Variants in SRPRB observed in about 807,000 individuals in gnomAD.
The protein encoded by SRPRB is signal recognition particle receptor subunit beta.
SRPRB carries 20 observed loss-of-function variants against 31.9 expected under a neutral mutation model. The ratio of observed to expected loss-of-function variants is 0.63; its 90% CI spans 0.44 to 0.91. SRPRB has a LOEUF of 0.91. Ranked by LOEUF, SRPRB falls within the 40% of genes least tolerant of loss-of-function variation. The pLI is 0.00. For missense variants in SRPRB, 321 were observed against 324.9 expected, an observed-to-expected ratio of 0.99 and a Z score of 0.09; for synonymous variants, 146 against 132.8, an observed-to-expected ratio of 1.10 and a Z score of -0.68.
downstream of SRPRB, chr3:133,827,661 C>G (rs1935587420): frequency 1.3e-5 from 7 of 553,642 alleles, no homozygotes; most frequent in South Asian, 1.4e-4. Context: ...AGCAACAAAT[C>G]AGCTTTTCCA....
Position 133,811,149 on chromosome 3 carries a change from C to A in SRPRB, c.360C>A (p.Gly120=), listed in dbSNP as rs1271546644. The change falls in exon 4 of 7, where the codon GGC becomes GGA. Residue 120 remains glycine, a synonymous_variant. Coordinates refer to ENST00000678299, the MANE Select transcript of SRPRB (RefSeq NM_001379313.1). The stretch of plus-strand genomic sequence containing the variant: ...GTCTGACCTTGATTGACCTTCCCGG[C>A]CATGAGAGTTTGAGGCTTCAGTTCT... ...GNSLTLIDLP[G]HESLRLQFLE... The A allele has an allele frequency of 2.5e-6, 4 of 1,614,184 alleles. No homozygotes were observed. The Admixed American group carries it at 6.7e-5, about 27-fold the overall frequency.
downstream of SRPRB, chr3:133,827,948 T>C (rs753334867): frequency 5.7e-6 from 4 of 702,952 alleles, no homozygotes; most frequent in South Asian, 5.9e-5. Flanking sequence ...CCCCAGTCTA[T>C]AAACCACGCA....
chr3:133,822,360 G>A (rs1280088804), downstream of SRPRB, among the ~76,000 whole-genome samples: 1 of 152,168 alleles, frequency 6.6e-6, no homozygotes. Context: ...CAGGCACTCT[G>A]TTGGTGAATA....
At chr3:133,811,341 T>C in intron 4 of SRPRB, 142 bp downstream of exon 4, 2 of 669,756 alleles carry the variant, frequency 3.0e-6, no homozygotes, top group Non-Finnish European at 4.9e-6. Flanking sequence ...GTCAGCCAGT[T>C]CTGGGTTGCA....
intron 1 of SRPRB, chr3:133,786,936 T>G (rs1402133640): frequency 6.6e-6 from 1 of 152,260 alleles, no homozygotes; most frequent in African/African-American, 2.4e-5. Context: ...CTAAAATTCT[T>G]GGGAAGTACT....
At chr3:133,827,648 CAT>C (rs1271141131), downstream of SRPRB, 11 of 539,904 alleles carry the variant, frequency 2.0e-5, no homozygotes, top group African/African-American at 1.3e-4. Context: ...GGGGTGAAAA[CAT>C]AGCAACAAAT....
chr3:133,803,931 C>T (rs1019793337), upstream of SRPRB, among the ~76,000 whole-genome samples: 6 of 150,888 alleles, frequency 4.0e-5, no homozygotes, highest in African/African-American at 1.5e-4. Context: ...CCCGTCTCTA[C>T]TAAAAATACA....
intron 1 of SRPRB, chr3:133,789,121 C>A (rs1934764488): frequency 6.6e-6 from 1 of 152,314 alleles, no homozygotes; most frequent in African/African-American, 2.4e-5. Flanking sequence ...CCCAGGGGAT[C>A]CTCCAGACTT....
intron 1 of SRPRB, among the ~76,000 whole-genome samples, chr3:133,806,259 AC>A (rs984497856): frequency 6.6e-6 from 1 of 152,088 alleles, no homozygotes; most frequent in African/African-American, 2.4e-5. Context: ...CTGCCCTGTT[AC>A]GCTTGAGCGC....
chr3:133,816,796 G>A, intron 5 of SRPRB, 82 bp from the exon 6 acceptor site: 1 of 1,088,900 alleles, frequency 9.2e-7, no homozygotes, highest in Non-Finnish European at 1.3e-6. Flanking sequence ...GGTTTAAATA[G>A]GAATTTTCCT....
chr3:133,792,342 A>C (rs1934861693), intron 1 of SRPRB: 2 of 152,276 alleles, frequency 1.3e-5, no homozygotes, highest in Admixed American at 1.3e-4. Context: ...GTAAGTCATG[A>C]AATAATTTAC....
chr3:133,815,147 G>C (rs1474536419), intron 4 of SRPRB, among the ~76,000 whole-genome samples: 1 of 152,146 alleles, frequency 6.6e-6, no homozygotes, highest in Non-Finnish European at 1.5e-5. Context: ...TTTTTGGATT[G>C]GGGATACTCA....
intron 6 of SRPRB, among the ~76,000 whole-genome samples, chr3:133,817,767 A>C (rs1431724063): frequency 6.6e-6 from 1 of 152,164 alleles, no homozygotes; most frequent in Non-Finnish European, 1.5e-5. Flanking sequence ...TATTCATTTA[A>C]GAAGCACCTG....
chr3:133,805,843 T>C lies in SRPRB; in HGVS notation c.-6T>C. On this transcript the variant is annotated 5_prime_UTR_variant, in exon 1 of 7. Coordinates refer to ENST00000678299, the MANE Select transcript of SRPRB (RefSeq NM_001379313.1). ...TTTGCTGTACCGGGGACCACGCGTC[T>C]CATCCATGGCTTCCGCGGACTCGCG... 1 of 1,606,064 alleles carries C rather than the reference T, an allele frequency of 6.2e-7. No individual in the cohort carries two copies. The highest frequency in any genetic ancestry group is 8.5e-7 in the Non-Finnish European group (1 of 1,176,082).
intron 1 of SRPRB, among the ~76,000 whole-genome samples, chr3:133,798,863 T>C (rs1417603543): frequency 6.6e-6 from 1 of 152,136 alleles, no homozygotes; most frequent in Non-Finnish European, 1.5e-5. Context: ...ACGTTAGCTT[T>C]TTAAAAATAA....
At chr3:133,822,938 T>C (rs1308409329), downstream of SRPRB, among the ~76,000 whole-genome samples, 1 of 152,234 alleles carries the variant, frequency 6.6e-6, no homozygotes, top group East Asian at 1.9e-4. Context: ...TACGCATTTA[T>C]CCATTGGGTA....
At chr3:133,814,818 G>A (rs576955210) in intron 4 of SRPRB, among the ~76,000 whole-genome samples, 21 of 152,362 alleles carry the variant, frequency 1.4e-4, no homozygotes, top group Non-Finnish European at 8.8e-5. Context: ...CACATGAGGA[G>A]TCCCACTATG....
rs1467467510 is a variant in SRPRB at position 133,821,093 on chromosome 3, C to CT, written c.*1328dup. 3 of 152,364 alleles carry CT rather than the reference C, an allele frequency of 2.0e-5. No individual in the cohort carries two copies. The highest frequency in any genetic ancestry group is 7.2e-5 in the African/African-American group (3 of 41,462). 9.4% of individuals were successfully genotyped at this position (152,364 alleles called of 1,614,324 possible). ...GGATAAAGCATGGGGCTGATGACGTCTGAGGGAGTGTGATCCTCCATGTAT... is the reference window on the plus strand; with the variant it reads ...GGATAAAGCATGGGGCTGATGACGTCTTGAGGGAGTGTGATCCTCCATGTAT... On this transcript the variant is annotated 3_prime_UTR_variant, in exon 7 of 7. Coordinates refer to ENST00000678299, the MANE Select transcript of SRPRB (RefSeq NM_001379313.1).
At chr3:133,828,250 T>C, downstream of SRPRB, 1 of 500,532 alleles carries the variant, frequency 2.0e-6, no homozygotes, top group Non-Finnish European at 3.6e-6. Flanking sequence ...CAATGTTTGA[T>C]TTAACTGGAG....
Sources: allele counts gnomAD v4.1 joint callset (sites outside exome capture counted in the v4.1 genomes callset), GRCh38; gene constraint gnomAD v4.1.1; transcripts MANE v1.5; gene names NCBI Gene and HGNC (gene_info 2026-07-23, HGNC 2026-07-21).